TMEM130: variants seen among roughly 807,000 people sequenced by gnomAD.
TMEM130 encodes the protein transmembrane protein 130.
A neutral mutation model predicts 42.9 loss-of-function variants in TMEM130; 37 were observed. The ratio of observed to expected loss-of-function variants is 0.86; its 90% CI spans 0.66 to 1.13. The LOEUF is 1.13. Ranked by LOEUF, TMEM130 falls within the 50% of genes most tolerant of loss-of-function variation. The pLI is 0.00. For synonymous variants in TMEM130, 259 were observed against 237.7 expected, an observed-to-expected ratio of 1.09 and a Z score of -0.82; for missense variants, 545 against 562.6, an observed-to-expected ratio of 0.97 and a Z score of 0.32.
At chr7:98,848,230 G>T in intron 7 of TMEM130, 22 bp from the exon 8 acceptor site, 1 of 1,613,730 alleles carries the variant, frequency 6.2e-7, no homozygotes, top group Non-Finnish European at 8.5e-7. Flanking sequence ...TGGGGGAAAA[G>T]TCAAAATCAG....
intron 7 of TMEM130, 140 bp downstream of exon 7, chr7:98,848,443 G>A: frequency 1.3e-6 from 1 of 763,284 alleles, no homozygotes; most frequent in South Asian, 1.7e-5. Context: ...ATGCCTCTTG[G>A]GCACATCACC....
At chr7:98,850,354 T>C (rs1554398037) in intron 6 of TMEM130, among the ~76,000 whole-genome samples, 1 of 148,422 alleles carries the variant, frequency 6.7e-6, no homozygotes, top group South Asian at 2.2e-4. Context: ...CTCAGCTCAC[T>C]GCAACCTCCA....
chr7:98,853,816 A>G (rs868946019), intron 5 of TMEM130, among the ~76,000 whole-genome samples: 2 of 152,152 alleles, frequency 1.3e-5, no homozygotes, highest in African/African-American at 2.4e-5. Flanking sequence ...CCTTGATTAG[A>G]CTGACTGATG....
intron 1 of TMEM130, among the ~76,000 whole-genome samples, chr7:98,865,043 G>C (rs1376597244): frequency 1.3e-5 from 2 of 152,222 alleles, no homozygotes; most frequent in African/African-American, 2.4e-5. Context: ...CTTCAAACTC[G>C]TTTAGAGCAG....
In TMEM130 at chr7:98,860,283, G is replaced by T; in HGVS notation, c.447C>A (p.Ser149Arg). Reference protein sequence around the residue: ...VTQNTSLPWPSSYLTKTVLKV... With the variant: ...VTQNTSLPWPRSYLTKTVLKV... ...TCAGGACGGTCTTAGTGAGATAGGA[G>T]CTGGGCCAGGGTAGGGAAGTGTTCT... The change falls in exon 3 of 8, where the codon AGC (serine) becomes AGA (arginine). Residue 149 changes from serine to arginine, a missense_variant. Ser to Arg is a moderately radical substitution (Grantham distance 110). Coordinates refer to ENST00000339375, the MANE Select transcript of TMEM130 (RefSeq NM_152913.3). 1 of 1,613,142 alleles carries T rather than the reference G, an allele frequency of 6.2e-7. No homozygotes were observed. The highest frequency in any genetic ancestry group is 8.5e-7 in the Non-Finnish European group (1 of 1,179,458).
At position 98,863,165 on chromosome 7, in the gene TMEM130, GA is replaced by G. The variant is rs782497526; in HGVS notation, c.320del (p.Val107AlafsTer51). ...TCCAGCAGTCAGCGGCAGTGACCCA[GA>G]CAGAGACCGGGAATTCCCCGGGCAC... ...GHVPGEFPVS[V>X]WVTAADCWMC... On this transcript the variant is annotated frameshift_variant, in exon 2 of 8. Coordinates refer to ENST00000339375, the MANE Select transcript of TMEM130 (RefSeq NM_152913.3). LOFTEE classifies it high-confidence loss of function. 2 of 1,614,068 alleles carry G rather than the reference GA, an allele frequency of 1.2e-6. No homozygotes were observed. The highest frequency in any genetic ancestry group is 2.2e-5 in the South Asian group (2 of 91,076).
chr7:98,860,425 G>T, intron 2 of TMEM130, 87 bp from the exon 3 acceptor site: 1 of 1,363,382 alleles, frequency 7.3e-7, no homozygotes, highest in Non-Finnish European at 9.9e-7. Flanking sequence ...AGCTGTCAAA[G>T]CCACCACTTC....
rs112232763 is a variant in TMEM130, at chr7:98,867,733, A to C, written c.85+2044T>G. Among the ~76,000 whole-genome samples the C allele has an allele frequency of 1.5e-3, 234 of 152,174 alleles. 1 individual carries two copies. Among genetic ancestry groups the C allele is most frequent in the African/African-American group, 5.4e-3 (224 of 41,520 alleles). On this transcript the variant is annotated intron_variant, in intron 1 of 7. Transcript: ENST00000339375. ...CTCATGGGAGCCCGCCGACTCCCCC[A>C]CCACCACCTGCCAGCTCCAAGGACA...
chr7:98,850,273 A>ATATATATTTTTTTT, intron 6 of TMEM130, among the ~76,000 whole-genome samples: 5 of 35,460 alleles, frequency 1.4e-4, no homozygotes, highest in East Asian at 7.7e-4. Context: ...ATATATATAT[A>ATATATATTTTTTTT]TTTTTTTTTT....
Position 98,851,584 on chromosome 7 carries a change from G to T in TMEM130, c.843C>A (p.Cys281Ter). The T allele has an allele frequency of 6.2e-7, 1 of 1,613,644 alleles. No homozygotes were observed. Among genetic ancestry groups the T allele is most frequent in the Non-Finnish European group, 8.5e-7 (1 of 1,179,782 alleles). The change falls in exon 6 of 8, where the codon TGC becomes TGA. Residue 281 changes from cysteine to a stop codon, truncating the protein, a stop_gained. Transcript: ENST00000339375. LOFTEE classifies it high-confidence loss of function. ...GGCACTCCCCTTCCTCCAGCGGGAG[G>T]CACTCAGGCTTGAGACGCCAGCACA... is the stretch of plus-strand genomic sequence containing the variant. Reference protein sequence around the residue: ...LTVCWRLKPECLPLEEGECHP... With the variant: ...LTVCWRLKPE
Position 98,863,132 on chromosome 7 carries a change from C to T in TMEM130, c.354G>A (p.Gln118=). ...GGACCACAAAGCCCCTGGCCACAGG[C>T]TGGCACATCCAGCAGTCAGCGGCAG... The part of the protein sequence containing the change: ...WVTAADCWMC[Q]PVARGFVVLP... Residue 118 remains glutamine (Q), a synonymous_variant, in exon 2 of 8, where the codon CAG becomes CAA. Coordinates refer to ENST00000339375, the MANE Select transcript of TMEM130 (RefSeq NM_152913.3). 6.2e-7 allele frequency: 1 copy of T among 1,613,860 alleles called. No individual in the cohort carries two copies. Among genetic ancestry groups the T allele is most frequent in the South Asian group, 1.1e-5 (1 of 91,072 alleles).
rs782573173 is a variant in TMEM130 at position 98,851,443 on chromosome 7, G to C, written c.984C>G (p.His328Gln). 1.1e-5 allele frequency: 17 copies of C among 1,613,990 alleles called. No individual in the cohort carries two copies. Among genetic ancestry groups the C allele is most frequent in the Non-Finnish European group, 1.4e-5 (17 of 1,180,034 alleles). ...ENIISKTHQY[H>Q]KIQVWPSRIQ... is the part of the protein sequence containing the mutation. ...TACTGGAGGGCCACACCTGGATCTT[G>C]TGGTACTGATGTGTCTTGCTGATGA... Residue 328 changes from histidine to glutamine, a missense_variant, in exon 6 of 8, where the codon CAC (histidine) becomes CAG (glutamine). Coordinates refer to ENST00000339375, the MANE Select transcript of TMEM130 (RefSeq NM_152913.3).
At chr7:98,855,699 C>T (rs1423091177) in intron 4 of TMEM130, among the ~76,000 whole-genome samples, 1 of 152,200 alleles carries the variant, frequency 6.6e-6, no homozygotes, top group African/African-American at 2.4e-5. Flanking sequence ...CAGGGTGAGC[C>T]TCGGTGGGAG....
In TMEM130 at chr7:98,848,084, T is replaced by A; in HGVS notation, c.1244A>T (p.Tyr415Phe). Residue 415 changes from tyrosine (Y) to phenylalanine (F), a missense_variant, in exon 8 of 8, where the codon TAT becomes TTT. By Grantham distance (22) the Tyr-to-Phe change is conservative. Coordinates refer to ENST00000339375, the MANE Select transcript of TMEM130 (RefSeq NM_152913.3). ...RENHGLLPPLYKSVKTYTV is the reference protein window; with the variant it reads ...RENHGLLPPLFKSVKTYTV ...CACGGTGTAAGTTTTGACAGACTTA[T>A]AGAGGGGCGGGAGCAGCCCGTGGTT... 3 of 1,613,952 alleles carry A rather than the reference T, an allele frequency of 1.9e-6. No individual in the cohort carries two copies. The highest frequency in any genetic ancestry group is 2.5e-6 in the Non-Finnish European group (3 of 1,179,966).
chr7:98,850,273 A>ATATATATATATATATATATTTTTTTTTTT, intron 6 of TMEM130, among the ~76,000 whole-genome samples: 2 of 35,452 alleles, frequency 5.6e-5, no homozygotes, highest in African/African-American at 7.6e-5. Flanking sequence ...ATATATATAT[A>ATATATATATATATATATATTTTTTTTTTT]TTTTTTTTTT....
chr7:98,855,343 C>A lies in TMEM130; in HGVS notation c.719-19G>T. On this transcript the variant is annotated intron_variant, in intron 4 of 7. Transcript: ENST00000339375. The stretch of plus-strand genomic sequence containing the variant: ...AGGGTTTCTGTAAGGCAGAGAGAAC[C>A]CCGTTAGACCTGGTGGCTAAGGATT... 1 of 1,602,102 alleles carries A rather than the reference C, an allele frequency of 6.2e-7. No individual in the cohort carries two copies. Among genetic ancestry groups the A allele is most frequent in the South Asian group, 1.1e-5 (1 of 89,362 alleles).
In TMEM130 at chr7:98,869,532, G is replaced by T. The variant is rs974360012; in HGVS notation, c.85+245C>A. Among the ~76,000 whole-genome samples the T allele has an allele frequency of 1.3e-5, 2 of 152,244 alleles. No homozygotes were observed. Among genetic ancestry groups the T allele is most frequent in the Non-Finnish European group, 2.9e-5 (2 of 68,040 alleles). ...GGTTTCCAGGGCAGGGCCAGCCTGG[G>T]GGGGTGGAAGCAGGAATCCAGGGGG... is the stretch of plus-strand genomic sequence containing the variant. On this transcript the variant is annotated intron_variant, in intron 1 of 7. Transcript: ENST00000339375. This position sits in a 1 kb window ranked among gnomAD's most constrained non-coding sequence, Gnocchi z 4.7.
chr7:98,853,615 G>A (rs973493662), intron 5 of TMEM130, among the ~76,000 whole-genome samples: 9 of 152,300 alleles, frequency 5.9e-5, no homozygotes, highest in Middle Eastern at 3.4e-3. Context: ...GCAACAAAGC[G>A]AGTCTCTGTC....
rs1794973140 is a variant in TMEM130 at position 98,869,201 on chromosome 7, A to T, written c.85+576T>A. ...TTCCCCCACTCCCCCACCCACACAC[A>T]CACCCCAGGAACCTGTCAGCTCCGG... is the stretch of plus-strand genomic sequence containing the variant. On this transcript the variant is annotated intron_variant, in intron 1 of 7. Transcript: ENST00000339375. The surrounding 1 kb of genome is among the most constrained non-coding windows in gnomAD (Gnocchi z 4.7). 7.8e-7 allele frequency: 1 copy of T among 1,288,052 alleles called. No homozygotes were observed. Among genetic ancestry groups the T allele is most frequent in the Non-Finnish European group, 1.0e-6 (1 of 988,314 alleles). 79.8% of individuals were successfully genotyped at this position (1,288,052 alleles called of 1,614,324 possible). A position where few individuals can be genotyped will look rare whatever the true frequency, so the allele number is the denominator to read the frequency against.
Sources: gnomAD v4.1 joint callset for allele counts (sites outside exome capture counted in the v4.1 genomes callset) on GRCh38, gnomAD v4.1.1 for gene constraint, Gnocchi (gnomAD v3.1) non-coding constraint, MANE v1.5 for transcripts, NCBI Gene and HGNC (gene_info 2026-07-23, HGNC 2026-07-21) for gene names.